NUP85: variants seen among roughly 807,000 people sequenced by gnomAD.
The protein encoded by NUP85 is nucleoporin 85.
A neutral mutation model predicts 92.8 loss-of-function variants in NUP85; 23 were observed. That is an observed-to-expected ratio of 0.25 (90% CI 0.18 to 0.35). The LOEUF is 0.35. Among genes scored for constraint, NUP85 ranks in the 10% least tolerant of loss-of-function variants. The pLI is 1.00. For synonymous variants in NUP85, 314 were observed against 306.9 expected (o/e 1.02, Z -0.24); for missense variants, 759 against 822.8 (o/e 0.92, Z 0.95).
chr17:75,229,421 G>A (rs548475207), intron 11 of NUP85, among the ~76,000 whole-genome samples: 48 of 152,258 alleles, frequency 3.2e-4, no homozygotes, highest in African/African-American at 9.4e-4. Context: ...CACCTTCACC[G>A]TAGCTGGTCT....
intron 11 of NUP85, chr17:75,229,265 C>A: frequency 1.6e-6 from 1 of 618,180 alleles, no homozygotes; most frequent in Non-Finnish European, 2.0e-6. Flanking sequence ...AACCTCACAC[C>A]CCATTTCCAG....
intron 11 of NUP85, chr17:75,229,278 T>C (rs8068490): frequency 1.3e-5 from 7 of 538,716 alleles, no homozygotes; most frequent in East Asian, 1.5e-4. Context: ...ATTTCCAGAA[T>C]AGCAGGTAGA....
In NUP85 at chr17:75,234,662, G is replaced by A; in HGVS notation, c.1641G>A (p.Met547Ile). The change falls in exon 17 of 19, where the codon ATG becomes ATA. Residue 547 changes from methionine (M) to isoleucine (I), a missense_variant. Transcript: ENST00000245544. ...GAAAGTATCGCGAGTTCCACCGTAT[G>A]TACGGGGAGAAGCGTTTTGCCGACG... ...FLGKYREFHRMYGEKRFADAA... is the reference protein window; with the variant it reads ...FLGKYREFHRIYGEKRFADAA... 6.2e-7 allele frequency: 1 copy of A among 1,614,242 alleles called. No homozygotes were observed. Among genetic ancestry groups the A allele is most frequent in the East Asian group, 2.2e-5 (1 of 44,870 alleles).
intron 3 of NUP85, 22 bp from the exon 4 acceptor site, chr17:75,211,970 T>C (rs2075272102): frequency 6.3e-7 from 1 of 1,586,202 alleles, no homozygotes; most frequent in South Asian, 1.1e-5. Flanking sequence ...GCTCATCTTG[T>C]GTGTTATTTC....
intron 7 of NUP85, among the ~76,000 whole-genome samples, chr17:75,221,102 C>T (rs145368147): frequency 6.6e-6 from 1 of 152,142 alleles, no homozygotes; most frequent in Non-Finnish European, 1.5e-5. Flanking sequence ...CCAGGATGGT[C>T]TCGATCTGAC....
Position 75,221,102 on chromosome 17 carries a change from C to G in NUP85, c.597+2796C>G, listed in dbSNP as rs145368147. On this transcript the variant is annotated intron_variant, in intron 7 of 18. Transcript: ENST00000245544. ...ATTTCACCATGTTAGCCAGGATGGT[C>G]TCGATCTGACCTTGTGATCTGCCTG... Among the ~76,000 whole-genome samples, 1,088 of 152,256 alleles carry G rather than the reference C, an allele frequency of 7.1e-3. 13 individuals are homozygous for G. Among genetic ancestry groups the G allele is most frequent in the African/African-American group, 0.025 (1,034 of 41,546 alleles).
At chr17:75,212,096 G>GTA in intron 4 of NUP85, 34 bp downstream of exon 4, 1 of 1,390,426 alleles carries the variant, frequency 7.2e-7, no homozygotes, top group South Asian at 1.2e-5. Context: ...GCGTGTGTGT[G>GTA]TGTGTGTGTG....
intron 11 of NUP85, chr17:75,226,698 T>C (rs2075808667): frequency 2.3e-6 from 1 of 431,524 alleles, no homozygotes; most frequent in Non-Finnish European, 4.6e-6. Flanking sequence ...CTTAGGGACT[T>C]CCTGGAGGCT....
rs141109613 is a variant in NUP85, at chr17:75,232,150, G to C, written c.1396+171G>C. On this transcript the variant is annotated intron_variant, in intron 14 of 18. Transcript: ENST00000245544. ...AGAGATGGGATAATTACTTGGGAGG[G>C]ACAGGAAAGCTAGGGATCCACTGGA... is the stretch of plus-strand genomic sequence containing the variant. 675 of 693,840 alleles carry C rather than the reference G, an allele frequency of 9.7e-4. 6 individuals are homozygous for C. The African/African-American group carries it at 0.011, about 11-fold the overall frequency. The allele number at this position is 693,840 out of a possible 1,614,324, so 43.0% of individuals were successfully genotyped here.
At chr17:75,221,322 A>G (rs772146540) in intron 7 of NUP85, among the ~76,000 whole-genome samples, 5 of 151,268 alleles carry the variant, frequency 3.3e-5, no homozygotes, top group Non-Finnish European at 7.4e-5. Context: ...TATTTTTAGT[A>G]GAGATGGGGT....
At position 75,218,588 on chromosome 17, in the gene NUP85, G is replaced by GCTTTT. The variant is rs2075500441; in HGVS notation, c.597+282_597+283insCTTTT. ...AAGACACAAAAAGGAATACAAAACCGTTTTTTTTTTTTTTTTTTTGAGACA... is the reference window on the plus strand; with the variant it reads ...AAGACACAAAAAGGAATACAAAACCGCTTTTTTTTTTTTTTTTTTTTTTTGAGACA... On this transcript the variant is annotated intron_variant, in intron 7 of 18. Transcript: ENST00000245544. 2.4e-5 allele frequency among the ~76,000 whole-genome samples: 2 copies of GCTTTT among 82,840 alleles called. 1 individual carries two copies. The highest frequency in any genetic ancestry group is 4.3e-5 in the Non-Finnish European group (2 of 46,872). 54.3% of individuals were successfully genotyped at this position (82,840 alleles called of 152,430 possible). A position where few individuals can be genotyped will look rare whatever the true frequency, so the allele number is the denominator to read the frequency against.
In NUP85 at chr17:75,232,911, C is replaced by G. The variant is rs769609522; in HGVS notation, c.1457C>G (p.Ala486Gly). 1 of 1,614,206 alleles carries G rather than the reference C, an allele frequency of 6.2e-7. No individual in the cohort carries two copies. Among genetic ancestry groups the G allele is most frequent in the South Asian group, 1.1e-5 (1 of 91,084 alleles). The change falls in exon 15 of 19, where the codon GCC becomes GGC. Residue 486 changes from alanine to glycine, a missense_variant. Coordinates refer to ENST00000245544, the MANE Select transcript of NUP85 (RefSeq NM_024844.5). ...GTCCGCAACAATCGCCTGGGTTCTG[C>G]CCTCTCTTGGAGCATCCGTGCTAAG... ...KAVRNNRLGS[A>G]LSWSIRAKDA...
In NUP85 at chr17:75,212,042, A is replaced by G; in HGVS notation, c.341A>G (p.Glu114Gly). 1.2e-6 allele frequency: 2 copies of G among 1,613,300 alleles called. No individual in the cohort carries two copies. The highest frequency in any genetic ancestry group is 1.1e-5 in the South Asian group (1 of 91,002). ...NYRSVIRACM[E>G]EMHQVAIAAK... ...CGATCAGTCATCAGAGCATGTATGG[A>G]GGAAATGCACCAGGTTGCAAGTAAG... The change falls in exon 4 of 19, where the codon GAG (glutamate) becomes GGG (glycine). Residue 114 changes from glutamate (E) to glycine (G), a missense_variant. Glu to Gly is a moderately conservative substitution (Grantham distance 98). Coordinates refer to ENST00000245544, the MANE Select transcript of NUP85 (RefSeq NM_024844.5).
chr17:75,205,739 C>A lies in NUP85; in HGVS notation c.-23C>A, dbSNP rs759056146. 7.4e-6 allele frequency: 12 copies of A among 1,614,022 alleles called. No homozygotes were observed. The African/African-American group carries it at 8.0e-5, about 11-fold the overall frequency. ...GGAAGCATTGGCGTCCGAGCGACTT[C>A]TAGGAGCCTGGGGTTCGGCGCTATG... On this transcript the variant is annotated 5_prime_UTR_variant, in exon 1 of 19. Transcript: ENST00000245544.
At chr17:75,215,113 G>A (rs1358835626) in intron 5 of NUP85, among the ~76,000 whole-genome samples, 1 of 152,238 alleles carries the variant, frequency 6.6e-6, no homozygotes, top group African/African-American at 2.4e-5. Context: ...GGAAGTTGCA[G>A]TGAGCCAAGA....
intron 11 of NUP85, among the ~76,000 whole-genome samples, chr17:75,229,507 A>AATGTTAAGGATGCCCACCTGCTCT (rs1298307193): frequency 1.3e-5 from 2 of 152,092 alleles, no homozygotes; most frequent in Admixed American, 1.3e-4. Context: ...TCTTGCCTTG[A>AATGTTAAGGATGCCCACCTGCTCT]ATGTTAAGGA....
intron 16 of NUP85, among the ~76,000 whole-genome samples, chr17:75,234,191 A>G (rs746545449): frequency 6.6e-6 from 1 of 150,692 alleles, no homozygotes; most frequent in Non-Finnish European, 1.5e-5. Context: ...AGCTGGGACT[A>G]CAGGTGCATG....
rs551735621 is a variant in NUP85 at position 75,220,422 on chromosome 17, C to CT, written c.597+2131dup. On this transcript the variant is annotated intron_variant, in intron 7 of 18. Transcript: ENST00000245544. ...ACCAGCATGAGCCACCATGCCTGGC[C>CT]TTTTTTTTTTTTTTTAAATACAGTT... is the stretch of plus-strand genomic sequence containing the variant. Among the ~76,000 whole-genome samples, 425 of 140,868 alleles carry CT rather than the reference C, an allele frequency of 3.0e-3. 1 individual carries two copies. The highest frequency in any genetic ancestry group is 3.9e-3 in the Non-Finnish European group (249 of 64,104). 92.4% of individuals were successfully genotyped at this position (140,868 alleles called of 152,430 possible).
intron 16 of NUP85, 35 bp downstream of exon 16, chr17:75,233,193 C>T (rs900447117): frequency 1.3e-6 from 2 of 1,579,032 alleles, no homozygotes; most frequent in African/African-American, 1.3e-5. Flanking sequence ...GTGCTTTGGG[C>T]ACAAGTGGGT....
Sources: allele counts gnomAD v4.1 joint callset (sites outside exome capture counted in the v4.1 genomes callset), GRCh38; gene constraint gnomAD v4.1.1; transcripts MANE v1.5; gene names NCBI Gene and HGNC (gene_info 2026-07-23, HGNC 2026-07-21).